Variants in FRMD6 observed in about 807,000 individuals in gnomAD.
FRMD6 encodes FERM domain-containing protein 6.
FRMD6 carries 37 observed loss-of-function variants against 73.2 expected under a neutral mutation model. That is an observed-to-expected ratio of 0.51 (90% confidence interval 0.39 to 0.66). The LOEUF (loss-of-function observed/expected upper bound fraction) is 0.66, where lower values mean the gene tolerates loss of function less well. FRMD6 is among the 30% of genes least tolerant of loss of function. The pLI is 0.00. For missense variants in FRMD6, 714 were observed against 780.5 expected (o/e 0.91, Z 1.02); for synonymous variants, 273 against 282.2 (o/e 0.97, Z 0.33).
At chr14:51,429,889 A>C in the FRMD6 span, among the ~76,000 whole-genome samples, 1 of 152,170 alleles carries the variant, frequency 6.6e-6, no homozygotes. Context: ...CACACAACTC[A>C]TCAATTTCCT....
chr14:51,485,801 T>C (rs1435427037), upstream of FRMD6, among the ~76,000 whole-genome samples: 4 of 152,206 alleles, frequency 2.6e-5, no homozygotes, highest in Admixed American at 6.5e-5. Context: ...TATATGGCTG[T>C]ATTTTTCTAC....
intron 2 of FRMD6, among the ~76,000 whole-genome samples, chr14:51,595,367 T>C (rs1439840645): frequency 1.3e-5 from 2 of 152,232 alleles, no homozygotes; most frequent in South Asian, 4.1e-4. Flanking sequence ...CAAAACACTT[T>C]AGCATTTCCT....
At chr14:51,474,523 A>T in the FRMD6 span, among the ~76,000 whole-genome samples, 395 of 152,202 alleles carry the variant, frequency 2.6e-3, 3 homozygotes, top group Non-Finnish European at 2.7e-3. Context: ...AGTGGTCTTG[A>T]ATTTGCCTTT....
chr14:51,677,652 T>C (rs1894488118), intron 1 of FRMD6, among the ~76,000 whole-genome samples: 1 of 152,136 alleles, frequency 6.6e-6, no homozygotes, highest in Non-Finnish European at 1.5e-5. Flanking sequence ...CCTTTGTTCT[T>C]GTTGGTTGCC....
At chr14:51,618,716 G>A (rs915303033) in intron 2 of FRMD6, among the ~76,000 whole-genome samples, 25 of 152,190 alleles carry the variant, frequency 1.6e-4, no homozygotes, top group African/African-American at 5.3e-4. Context: ...CTAAAATGAG[G>A]AATCTATAGG....
intron 1 of FRMD6, among the ~76,000 whole-genome samples, chr14:51,534,835 G>T (rs1259707972): frequency 6.6e-6 from 1 of 152,218 alleles, no homozygotes; most frequent in African/African-American, 2.4e-5. Flanking sequence ...ACAAAAAGCT[G>T]ATGAGCCAGG....
At chr14:51,443,136 A>G in the FRMD6 span, among the ~76,000 whole-genome samples, 236 of 152,342 alleles carry the variant, frequency 1.5e-3, 1 homozygote, top group South Asian at 3.5e-3. Context: ...GGACACACAC[A>G]TAGTTCAATG....
chr14:51,470,696 G>T, the FRMD6 span, among the ~76,000 whole-genome samples: 1 of 151,664 alleles, frequency 6.6e-6, no homozygotes, highest in African/African-American at 2.4e-5. Flanking sequence ...ACAAATTTTG[G>T]TACATTGTAT....
chr14:51,526,078 A>G (rs994976223), intron 1 of FRMD6, among the ~76,000 whole-genome samples: 5 of 152,194 alleles, frequency 3.3e-5, no homozygotes, highest in Admixed American at 1.3e-4. Context: ...GTAGTAAGCC[A>G]TAAATTGATC....
At chr14:51,432,058 A>T in the FRMD6 span, among the ~76,000 whole-genome samples, 5 of 152,242 alleles carry the variant, frequency 3.3e-5, no homozygotes, top group Admixed American at 1.3e-4. Flanking sequence ...CAAATAACAC[A>T]TAACGACAAG....
intron 1 of FRMD6, among the ~76,000 whole-genome samples, chr14:51,657,763 G>A (rs1300644083): frequency 6.6e-6 from 1 of 152,146 alleles, no homozygotes; most frequent in Non-Finnish European, 1.5e-5. Flanking sequence ...GCAATCTTAA[G>A]AAAACTTTAA....
the FRMD6 span, among the ~76,000 whole-genome samples, chr14:51,457,147 C>G: frequency 1.2e-4 from 19 of 152,048 alleles, no homozygotes; most frequent in Non-Finnish European, 2.1e-4. Context: ...ATTCTCACCA[C>G]AAAGAAATAA....
intron 1 of FRMD6, among the ~76,000 whole-genome samples, chr14:51,513,647 A>G (rs1884451813): frequency 6.6e-6 from 1 of 150,580 alleles, no homozygotes; most frequent in South Asian, 2.1e-4. Flanking sequence ...TAACTAAAGG[A>G]GGATTTCTGT....
At chr14:51,496,304 C>T (rs191663531) in intron 1 of FRMD6, among the ~76,000 whole-genome samples, 53 of 152,334 alleles carry the variant, frequency 3.5e-4, no homozygotes, top group African/African-American at 1.1e-3. Context: ...TGCTGTGGAA[C>T]GAAGCACCCC....
intron 2 of FRMD6, among the ~76,000 whole-genome samples, chr14:51,606,123 G>T (rs116769294): frequency 7.9e-5 from 12 of 152,138 alleles, no homozygotes; most frequent in African/African-American, 2.2e-4. Context: ...GAAGTTCTAG[G>T]GGGGTGGGTG....
At chr14:51,485,911 G>A (rs17123994), upstream of FRMD6, among the ~76,000 whole-genome samples, 8,553 of 152,240 alleles carry the variant, frequency 0.056, 512 homozygotes, top group Admixed American at 0.18. Context: ...GCACACTGCA[G>A]TCAAGCTGAG....
chr14:51,489,117 G>A (rs1236505761), upstream of FRMD6: 1 of 152,202 alleles, frequency 6.6e-6, no homozygotes, highest in Non-Finnish European at 1.5e-5. Flanking sequence ...AATTAAAACT[G>A]GAGAAAGAGG....
At chr14:51,699,917 T>TA (rs1305561300) in intron 3 of FRMD6, among the ~76,000 whole-genome samples, 1 of 147,940 alleles carries the variant, frequency 6.8e-6, no homozygotes, top group Non-Finnish European at 1.5e-5. Context: ...GTTGACCTAA[T>TA]AACTGGATTT....
chr14:51,541,057 T>C (rs1886175949), intron 1 of FRMD6, among the ~76,000 whole-genome samples: 2 of 152,120 alleles, frequency 1.3e-5, no homozygotes, highest in Non-Finnish European at 2.9e-5. Context: ...TTGAGTCCCT[T>C]CTTCTGAACT....
Sources: gnomAD v4.1 joint callset for allele counts (sites outside exome capture counted in the v4.1 genomes callset) on GRCh38, gnomAD v4.1.1 for gene constraint, MANE v1.5 for transcripts, NCBI Gene and HGNC (gene_info 2026-07-23, HGNC 2026-07-21) for gene names.